The following FBXO10 variants were observed in gnomAD, a reference collection of about 807,000 sequenced individuals.
The protein encoded by FBXO10 is F-box protein 10.
In FBXO10, 39 loss-of-function variants were observed where a neutral mutation model predicts 80.7. The observed-to-expected ratio is 0.48, with a 90% CI of 0.37 to 0.63. The LOEUF (loss-of-function observed/expected upper bound fraction) is 0.63, where lower values mean the gene tolerates loss of function less well. Ranked by LOEUF, FBXO10 falls within the 30% of genes least tolerant of loss-of-function variation. FBXO10 has a pLI of 0.00. For missense variants in FBXO10, 1,025 were observed against 1,269.0 expected, an observed-to-expected ratio of 0.81 and a Z score of 2.92; for synonymous variants, 449 against 489.6, an observed-to-expected ratio of 0.92 and a Z score of 1.09.
Position 37,531,915 on chromosome 9 carries a change from G to A in FBXO10, c.1563C>T (p.Leu521=). 1 of 1,613,734 alleles carries A rather than the reference G, an allele frequency of 6.2e-7. No individual in the cohort carries two copies. Among genetic ancestry groups the A allele is most frequent in the South Asian group, 1.1e-5 (1 of 91,044 alleles). The change falls in exon 4 of 11, where the codon CTC becomes CTT. Residue 521 remains leucine (L), a synonymous_variant. Coordinates refer to ENST00000432825, the MANE Select transcript of FBXO10 (RefSeq NM_012166.3). ...GGGAACGAACACAAAGTACCAGTAT[G>A]AGTGGGTTGGACTTTTTCCGGATGT... ...GVDIRKKSNP[L]ILCNQIHHGL... is the part of the protein sequence containing the mutation.
At chr9:37,563,985 C>G (rs1039970152) in intron 1 of FBXO10, among the ~76,000 whole-genome samples, 2 of 152,234 alleles carry the variant, frequency 1.3e-5, no homozygotes. Context: ...GCAGCCCCTC[C>G]CATCACAGGC....
intron 1 of FBXO10, among the ~76,000 whole-genome samples, chr9:37,562,427 G>A (rs1197301524): frequency 6.6e-6 from 1 of 152,306 alleles, no homozygotes; most frequent in African/African-American, 2.4e-5. Context: ...GATGAACCAC[G>A]GGAAAAGGGA....
intron 1 of FBXO10, among the ~76,000 whole-genome samples, chr9:37,567,196 G>A (rs1007891866): frequency 6.7e-6 from 1 of 149,660 alleles, no homozygotes; most frequent in African/African-American, 2.5e-5. Flanking sequence ...AGATTGGAGT[G>A]CAGTGATGTG....
At chr9:37,515,568 C>T (rs1002433598) in intron 10 of FBXO10, 4 of 189,964 alleles carry the variant, frequency 2.1e-5, no homozygotes, top group African/African-American at 9.4e-5. Context: ...TTTTTACAGC[C>T]CCTCAGAGAT....
chr9:37,553,932 A>G (rs1206382086), intron 1 of FBXO10, among the ~76,000 whole-genome samples: 2 of 151,196 alleles, frequency 1.3e-5, no homozygotes, highest in Non-Finnish European at 1.5e-5. Flanking sequence ...AAAAAAAAAA[A>G]AAAAAAAGAA....
At chr9:37,545,794 C>T (rs1252474884) in intron 1 of FBXO10, among the ~76,000 whole-genome samples, 1 of 152,152 alleles carries the variant, frequency 6.6e-6, no homozygotes, top group Non-Finnish European at 1.5e-5. Context: ...TAAAGCTGGA[C>T]AAAATATATG....
chr9:37,558,783 C>A (rs10118277), intron 1 of FBXO10, among the ~76,000 whole-genome samples: 50,004 of 151,628 alleles, frequency 0.33, 8,333 homozygotes, highest in Admixed American at 0.34. Flanking sequence ...AGCACTACTG[C>A]AGCTTATAGA....
chr9:37,570,949 G>A (rs1437087624), intron 1 of FBXO10, among the ~76,000 whole-genome samples: 1 of 150,186 alleles, frequency 6.7e-6, no homozygotes, highest in Non-Finnish European at 1.5e-5. Context: ...AGCTGAGATT[G>A]CGCCACTGCA....
At position 37,556,533 on chromosome 9, in the gene FBXO10, A is replaced by ATTT. The variant is rs60829486; in HGVS notation, c.-6-14762_-6-14760dup. On this transcript the variant is annotated intron_variant, in intron 1 of 10. Coordinates refer to ENST00000432825, the MANE Select transcript of FBXO10 (RefSeq NM_012166.3). ...TCAGTTGAGGATATTTTTGTTCTGG[A>ATTT]TTTTTTTTTTTTTTTTTTTTTTTTT... Among the ~76,000 whole-genome samples the ATTT allele has an allele frequency of 4.1e-4, 31 of 75,118 alleles. 2 individuals carry two copies. The highest frequency in any genetic ancestry group is 9.7e-4 in the South Asian group (2 of 2,068). 49.3% of individuals were successfully genotyped at this position (75,118 alleles called of 152,430 possible).
intron 1 of FBXO10, among the ~76,000 whole-genome samples, chr9:37,563,904 C>G (rs532021372): frequency 2.0e-5 from 3 of 152,344 alleles, no homozygotes; most frequent in East Asian, 3.9e-4. Context: ...GAAATTTGCA[C>G]AAGTAATGAG....
rs372131055 is a variant in FBXO10, at chr9:37,537,767, G to A, written c.762C>T (p.Asn254=). ...ATGGGTGACCCTCAACAGTCACAGA[G>A]TTGTTTTCACTGCCCACAAATTCAC... ...ENCEFVGSEN[N]SVTVEGHPSA... is the part of the protein sequence containing the mutation. Residue 254 remains asparagine (N), a synonymous_variant, in exon 3 of 11, where the codon AAC becomes AAT. Coordinates refer to ENST00000432825, the MANE Select transcript of FBXO10 (RefSeq NM_012166.3). 4 of 1,613,894 alleles carry A rather than the reference G, an allele frequency of 2.5e-6. No individual in the cohort carries two copies. Among genetic ancestry groups the A allele is most frequent in the Non-Finnish European group, 3.4e-6 (4 of 1,179,890 alleles).
Position 37,518,415 on chromosome 9 carries a change from T to C in FBXO10, c.2224A>G (p.Ser742Gly). Residue 742 changes from serine (S) to glycine (G), a missense_variant, in exon 9 of 11, where the codon AGC (serine) becomes GGC (glycine). By Grantham distance (56) the Ser-to-Gly change is moderately conservative (BLOSUM62 0). Coordinates refer to ENST00000432825, the MANE Select transcript of FBXO10 (RefSeq NM_012166.3). ...NGASGLYVQS[S>G]EALHVITNVI... is the part of the protein sequence containing the mutation. The stretch of plus-strand genomic sequence containing the variant: ...TTGGTGATGACATGCAGTGCCTCGC[T>C]GCTCTGGACATAGAGTCCTGAGGCT... 6.2e-7 allele frequency: 1 copy of C among 1,606,418 alleles called. No individual in the cohort carries two copies. Among genetic ancestry groups the C allele is most frequent in the Non-Finnish European group, 8.5e-7 (1 of 1,175,332 alleles).
At chr9:37,559,468 G>T (rs966876115) in intron 1 of FBXO10, among the ~76,000 whole-genome samples, 1 of 152,206 alleles carries the variant, frequency 6.6e-6, no homozygotes, top group African/African-American at 2.4e-5. Context: ...CTGGGCCTCA[G>T]GTTCCTCATA....
rs778677445 is a variant in FBXO10, at chr9:37,518,165, C to T, written c.2474G>A (p.Arg825Gln). The T allele has an allele frequency of 4.6e-5, 75 of 1,613,896 alleles. No individual in the cohort carries two copies. In the Admixed American group the frequency reaches 9.2e-4, roughly 20 times the overall value. ...GGGCAGCAGCTGCAGCCCGCTGCCC[C>T]GGTTGCCAATGATATCGTTTTCAAT... ...IVIENDIIGN[R>Q]GSGLQLLPRS... The change falls in exon 9 of 11, where the codon CGG becomes CAG. Residue 825 changes from arginine to glutamine, a missense_variant. Coordinates refer to ENST00000432825, the MANE Select transcript of FBXO10 (RefSeq NM_012166.3).
At chr9:37,532,372 C>T (rs1564339870) in intron 3 of FBXO10, among the ~76,000 whole-genome samples, 2 of 149,434 alleles carry the variant, frequency 1.3e-5, no homozygotes, top group East Asian at 3.9e-4. Flanking sequence ...ATGATCTCGG[C>T]TTACTGCAAG....
chr9:37,548,126 T>C (rs2119147692), intron 1 of FBXO10, among the ~76,000 whole-genome samples: 1 of 152,376 alleles, frequency 6.6e-6, no homozygotes, highest in South Asian at 2.1e-4. Flanking sequence ...GGCTTATGCC[T>C]GTAATCCCAG....
chr9:37,529,772 G>A (rs543510009), intron 4 of FBXO10, among the ~76,000 whole-genome samples: 1 of 152,202 alleles, frequency 6.6e-6, no homozygotes, highest in South Asian at 2.1e-4. Context: ...ACACTGGGGG[G>A]CCAAGCTGTC....
At chr9:37,513,402 A>G (rs1272142497) in intron 10 of FBXO10, among the ~76,000 whole-genome samples, 3 of 152,300 alleles carry the variant, frequency 2.0e-5, no homozygotes, top group South Asian at 4.1e-4. Context: ...TCAGCTGATG[A>G]GTGAATAAAC....
chr9:37,533,267 C>T (rs781592272), intron 3 of FBXO10, among the ~76,000 whole-genome samples: 12 of 152,066 alleles, frequency 7.9e-5, no homozygotes, highest in Non-Finnish European at 1.2e-4. Flanking sequence ...AAAAACAGGC[C>T]AGGTGTGGTG....
Sources: gnomAD v4.1 joint callset for allele counts (sites outside exome capture counted in the v4.1 genomes callset) on GRCh38, gnomAD v4.1.1 for gene constraint, MANE v1.5 for transcripts, NCBI Gene and HGNC (gene_info 2026-07-23, HGNC 2026-07-21) for gene names.